The following ADAM10 variants were observed in gnomAD, a reference collection of about 807,000 sequenced individuals.
ADAM10 encodes disintegrin and metalloproteinase domain-containing protein 10.
Under a neutral mutation model 90.1 loss-of-function variants are expected in ADAM10, and 17 were observed. That is an observed-to-expected ratio of 0.19 (90% CI 0.13 to 0.28). The LOEUF (loss-of-function observed/expected upper bound fraction) is 0.28, where lower values mean the gene tolerates loss of function less well. Ranked by LOEUF, ADAM10 falls within the 10% of genes least tolerant of loss-of-function variation. ADAM10 has a pLI of 1.00. For synonymous variants in ADAM10, 310 were observed against 298.6 expected (o/e 1.04, Z -0.40); for missense variants, 610 against 914.3 (o/e 0.67, Z 4.29).
intron 9 of ADAM10, chr15:58,629,190 C>T (rs1446885301): frequency 2.0e-5 from 3 of 152,120 alleles, no homozygotes; most frequent in African/African-American, 7.2e-5. Context: ...ATGTCCAGTG[C>T]TATAAAAGGA....
At chr15:58,694,732 A>T (rs1178303742) in intron 2 of ADAM10, among the ~76,000 whole-genome samples, 9 of 146,544 alleles carry the variant, frequency 6.1e-5, no homozygotes, top group African/African-American at 2.4e-4. Context: ...ATAATGGCAA[A>T]CTACTCAGAA....
At chr15:58,683,190 G>A (rs1342545736) in intron 2 of ADAM10, among the ~76,000 whole-genome samples, 1 of 152,092 alleles carries the variant, frequency 6.6e-6, no homozygotes, top group Non-Finnish European at 1.5e-5. Context: ...ACTCAACTCT[G>A]TTAAAAGTAT....
At chr15:58,716,760 T>C (rs1181538360) in intron 2 of ADAM10, among the ~76,000 whole-genome samples, 33 of 152,140 alleles carry the variant, frequency 2.2e-4, no homozygotes, top group Admixed American at 2.0e-3. Context: ...GGAAACTTAT[T>C]AGGAAGTGAA....
chr15:58,615,001 G>A (rs1343381110), intron 11 of ADAM10, among the ~76,000 whole-genome samples: 2 of 152,186 alleles, frequency 1.3e-5, no homozygotes, highest in Non-Finnish European at 2.9e-5. Flanking sequence ...ACAGCCGGGT[G>A]CAGTGGCTCA....
At chr15:58,746,782 T>C (rs143339107) in intron 1 of ADAM10, among the ~76,000 whole-genome samples, 5 of 152,190 alleles carry the variant, frequency 3.3e-5, no homozygotes, top group African/African-American at 1.2e-4. Flanking sequence ...AAACATTTTT[T>C]AAAAAAGATG....
At chr15:58,624,915 C>T (rs1314034412) in intron 10 of ADAM10, among the ~76,000 whole-genome samples, 1 of 152,102 alleles carries the variant, frequency 6.6e-6, no homozygotes, top group Non-Finnish European at 1.5e-5. Context: ...CCTGTTAATA[C>T]CTACAAAGCA....
Position 58,589,009 on chromosome 15 carries a change from T to TG in ADAM10, c.*8537dup, listed in dbSNP as rs1894771307. ...ATCTCCAGGTATGACGGAAGGAGGT[T>TG]GTGCTGCCACAGGATTTAGAATGAG... On this transcript the variant is annotated 3_prime_UTR_variant, in exon 16 of 16. Coordinates refer to ENST00000260408, the MANE Select transcript of ADAM10 (RefSeq NM_001110.4). 1 of 152,256 alleles carries TG rather than the reference T, an allele frequency of 6.6e-6. No individual in the cohort carries two copies. Among genetic ancestry groups the TG allele is most frequent in the South Asian group, 2.1e-4 (1 of 4,836 alleles). The allele number at this position is 152,256 out of a possible 1,614,324, so 9.4% of individuals were successfully genotyped here.
intron 5 of ADAM10, among the ~76,000 whole-genome samples, chr15:58,650,754 C>T (rs1361392853): frequency 1.3e-5 from 2 of 152,200 alleles, no homozygotes; most frequent in Non-Finnish European, 2.9e-5. Flanking sequence ...ATACAAAACA[C>T]GTATATGGAA....
chr15:58,665,636 A>T (rs1897061498), intron 4 of ADAM10, among the ~76,000 whole-genome samples: 3 of 152,080 alleles, frequency 2.0e-5, no homozygotes, highest in South Asian at 4.1e-4. Flanking sequence ...TACTCTTGGG[A>T]AGATACTCCC....
At chr15:58,652,655 G>A (rs1879746716) in intron 5 of ADAM10, among the ~76,000 whole-genome samples, 1 of 152,124 alleles carries the variant, frequency 6.6e-6, no homozygotes, top group South Asian at 2.1e-4. Context: ...AGTATAATCT[G>A]AAGTCAGGTA....
chr15:58,656,249 G>A (rs1413459406), intron 5 of ADAM10, among the ~76,000 whole-genome samples: 1 of 151,986 alleles, frequency 6.6e-6, no homozygotes, highest in East Asian at 1.9e-4. Flanking sequence ...TGGATCTTCG[G>A]GGTTTTTTAA....
chr15:58,614,359 G>A (rs544979523), intron 11 of ADAM10, among the ~76,000 whole-genome samples: 72 of 151,720 alleles, frequency 4.7e-4, no homozygotes, highest in Non-Finnish European at 8.7e-4. Context: ...GAAAATGGAA[G>A]TCTTCCTTGA....
intron 11 of ADAM10, among the ~76,000 whole-genome samples, chr15:58,617,282 T>A (rs1238604945): frequency 6.6e-6 from 1 of 151,808 alleles, no homozygotes; most frequent in East Asian, 1.9e-4. Context: ...CAAAGAATCA[T>A]TAGAAACCAT....
intron 13 of ADAM10, 183 bp from the exon 14 acceptor site, chr15:58,610,700 G>T (rs1284336963): frequency 2.9e-6 from 2 of 692,286 alleles, no homozygotes; most frequent in Non-Finnish European, 5.0e-6. Context: ...ATGTTACAAT[G>T]TAAACAAGCA....
Position 58,626,827 on chromosome 15 carries a change from A to T in ADAM10, c.1360+873T>A, listed in dbSNP as rs1347366654. Among the ~76,000 whole-genome samples the T allele has an allele frequency of 6.6e-5, 10 of 152,264 alleles. No individual in the cohort carries two copies. The South Asian group carries it at 1.7e-3, about 25-fold the overall frequency. On this transcript the variant is annotated intron_variant, in intron 10 of 15. Coordinates refer to ENST00000260408, the MANE Select transcript of ADAM10 (RefSeq NM_001110.4). ...AGGGGAAGACAGAGCATTACTGCTT[A>T]ATGGTTATAGAATTTCCATTGGGAT...
At chr15:58,717,502 A>G in intron 2 of ADAM10, 75 bp downstream of exon 2, 2 of 1,579,698 alleles carry the variant, frequency 1.3e-6, no homozygotes, top group East Asian at 2.3e-5. Context: ...AGGAAAATTA[A>G]GGATATAAAT....
chr15:58,732,852 A>G (rs1595666100), intron 1 of ADAM10: 1 of 153,926 alleles, frequency 6.5e-6, no homozygotes, highest in South Asian at 2.1e-4. Flanking sequence ...ATAAAGACAC[A>G]TTTGTTGAGC....
intron 5 of ADAM10, among the ~76,000 whole-genome samples, chr15:58,659,704 T>G (rs967712831): frequency 6.6e-6 from 1 of 152,200 alleles, no homozygotes; most frequent in African/African-American, 2.4e-5. Context: ...AAAGTAACAC[T>G]GCCCTCATAA....
intron 4 of ADAM10, among the ~76,000 whole-genome samples, chr15:58,671,230 C>A (rs1897183944): frequency 6.6e-6 from 1 of 152,158 alleles, no homozygotes; most frequent in Admixed American, 6.5e-5. Flanking sequence ...CCAGTAAAAT[C>A]CACATCTATA....
Sources: allele counts gnomAD v4.1 joint callset (sites outside exome capture counted in the v4.1 genomes callset), GRCh38; gene constraint gnomAD v4.1.1; transcripts MANE v1.5; gene names NCBI Gene and HGNC (gene_info 2026-07-23, HGNC 2026-07-21).